The following RETREG1 variants were observed in gnomAD, a reference collection of about 807,000 sequenced individuals.
RETREG1 encodes the protein family with sequence similarity 134 member B.
Under a neutral mutation model 54.8 loss-of-function variants are expected in RETREG1, and 44 were observed. The observed-to-expected ratio is 0.80, with a 90% CI of 0.63 to 1.03. The LOEUF (loss-of-function observed/expected upper bound fraction) is 1.03, where lower values mean the gene tolerates loss of function less well. Ranked by LOEUF, RETREG1 falls within the 50% of genes least tolerant of loss-of-function variation. The pLI, the probability that RETREG1 is intolerant of heterozygous loss-of-function variation, is 0.00. For missense variants in RETREG1, 554 were observed against 605.1 expected (o/e 0.92, Z 0.89); for synonymous variants, 217 against 238.5 (o/e 0.91, Z 0.83).
At chr5:16,546,101 C>G (rs1446134122) in intron 3 of RETREG1, among the ~76,000 whole-genome samples, 1 of 152,102 alleles carries the variant, frequency 6.6e-6, no homozygotes, top group African/African-American at 2.4e-5. Context: ...AAGAAAGAAA[C>G]AAACATGAAA....
chr5:16,492,229 T>TCTCTCTCTCACACACACA (rs1406702350), intron 3 of RETREG1, among the ~76,000 whole-genome samples: 11 of 110,570 alleles, frequency 9.9e-5, no homozygotes, highest in African/African-American at 3.1e-4. Flanking sequence ...TCTCTCTCTC[T>TCTCTCTCTCACACACACA]CACACACACA....
intron 1 of RETREG1, among the ~76,000 whole-genome samples, chr5:16,581,052 G>T (rs1742463871): frequency 6.6e-6 from 1 of 152,180 alleles, no homozygotes. Flanking sequence ...TCATGTTCAG[G>T]CCTTCTCAAG....
chr5:16,517,678 G>A (rs1579637162), intron 3 of RETREG1, among the ~76,000 whole-genome samples: 4 of 152,122 alleles, frequency 2.6e-5, no homozygotes, highest in Admixed American at 2.6e-4. Context: ...CTGAGGTGAG[G>A]GGCAGCCACA....
intron 3 of RETREG1, among the ~76,000 whole-genome samples, chr5:16,525,787 T>G (rs921424034): frequency 2.0e-5 from 3 of 150,908 alleles, no homozygotes; most frequent in African/African-American, 4.9e-5. Flanking sequence ...GAGAGATTGA[T>G]TTTAAGGAAA....
In RETREG1 at chr5:16,545,575, T is replaced by TAGC. The variant is rs540633034; in HGVS notation, c.458+20185_458+20187dup. On this transcript the variant is annotated intron_variant, in intron 3 of 8. Transcript: ENST00000306320. ...AAGAGAGGACAGTTAATTCACAGTT[T>TAGC]AGCAGCAGCAGCAGCAGCAGCATCC... Among the ~76,000 whole-genome samples, 208 of 152,138 alleles carry TAGC rather than the reference T, an allele frequency of 1.4e-3. 1 individual carries two copies. The highest frequency in any genetic ancestry group is 4.7e-3 in the African/African-American group (197 of 41,516).
intron 3 of RETREG1, among the ~76,000 whole-genome samples, chr5:16,506,350 GTAGA>G (rs1739953860): frequency 6.6e-6 from 1 of 152,222 alleles, no homozygotes; most frequent in Non-Finnish European, 1.5e-5. Flanking sequence ...TACTTTGTAA[GTAGA>G]TAAACAACTT....
chr5:16,535,617 C>T (rs142490160), intron 3 of RETREG1, among the ~76,000 whole-genome samples: 2,475 of 148,400 alleles, frequency 0.017, 72 homozygotes, highest in African/African-American at 0.059. Flanking sequence ...GTACACGCTG[C>T]CTTCACGAAG....
rs1359506948 is a variant in RETREG1, at chr5:16,483,398, A to C, written c.533T>G (p.Phe178Cys). 6.2e-7 allele frequency: 1 copy of C among 1,613,462 alleles called. No homozygotes were observed. Among genetic ancestry groups the C allele is most frequent in the South Asian group, 1.1e-5 (1 of 91,062 alleles). The change falls in exon 4 of 9, where the codon TTC (phenylalanine) becomes TGC (cysteine). Residue 178 changes from phenylalanine to cysteine, a missense_variant. Phe to Cys is a radical substitution (Grantham distance 205). Around this residue, in one of 4 missense-constraint regions of RETREG1, gnomAD observed 347 missense variants for 412.3 expected, o/e 0.84. Transcript: ENST00000306320. ...AGACATTTCTTGAAGAAATATGCTGAAATTCATCCATGATTCTGCAATACA... is the reference window on the plus strand; with the variant it reads ...AGACATTTCTTGAAGAAATATGCTGCAATTCATCCATGATTCTGCAATACA... ...SHCIAESWMN[F>C]SIFLQEMSLF...
chr5:16,614,347 G>GA lies in RETREG1; in HGVS notation c.320+2304dup, dbSNP rs566344145. 1.1e-3 allele frequency among the ~76,000 whole-genome samples: 173 copies of GA among 152,268 alleles called. 1 individual carries two copies. The South Asian group carries it at 0.033, about 29-fold the overall frequency. On this transcript the variant is annotated intron_variant, in intron 1 of 8. Coordinates refer to ENST00000306320, the MANE Select transcript of RETREG1 (RefSeq NM_001034850.3). ...TAAGGAAAAGAACACTGGCCTACTT[G>GA]AAAAAATAGACAAAGGTTATTTATA...
At chr5:16,579,080 C>A (rs1362577571) in intron 1 of RETREG1, among the ~76,000 whole-genome samples, 1 of 152,140 alleles carries the variant, frequency 6.6e-6, no homozygotes, top group East Asian at 1.9e-4. Flanking sequence ...AGACTAGAGC[C>A]TGAATTAGAG....
chr5:16,545,945 C>T (rs1007101682), intron 3 of RETREG1, among the ~76,000 whole-genome samples: 2 of 152,174 alleles, frequency 1.3e-5, no homozygotes, highest in African/African-American at 4.8e-5. Flanking sequence ...AGAAGGCATG[C>T]TGGATGGGAG....
chr5:16,549,099 T>C (rs189322200), intron 3 of RETREG1, among the ~76,000 whole-genome samples: 89 of 152,312 alleles, frequency 5.8e-4, no homozygotes, highest in African/African-American at 1.7e-3. Context: ...TTTTTTCTAT[T>C]CCAGAAATCA....
At chr5:16,567,514 C>A (rs920984023) in intron 2 of RETREG1, among the ~76,000 whole-genome samples, 4 of 152,126 alleles carry the variant, frequency 2.6e-5, no homozygotes, top group Admixed American at 2.6e-4. Context: ...GGTGCTGAGG[C>A]CAGGCATCAA....
intron 3 of RETREG1, among the ~76,000 whole-genome samples, chr5:16,534,443 G>A (rs76011103): frequency 2.0e-5 from 3 of 152,318 alleles, no homozygotes; most frequent in African/African-American, 7.2e-5. Flanking sequence ...TGCTCCCAAG[G>A]TTATCATCCT....
intron 1 of RETREG1, among the ~76,000 whole-genome samples, chr5:16,581,182 G>A (rs371786898): frequency 6.6e-6 from 1 of 152,176 alleles, no homozygotes; most frequent in East Asian, 1.9e-4. Flanking sequence ...CAAGAAGTGG[G>A]TGGTCAAGAA....
chr5:16,545,975 G>A (rs892453738), intron 3 of RETREG1, among the ~76,000 whole-genome samples: 19 of 152,206 alleles, frequency 1.2e-4, no homozygotes, highest in African/African-American at 3.9e-4. Flanking sequence ...GGTTACAAGA[G>A]GCAGCATGCC....
At chr5:16,505,486 G>A (rs1478153347) in intron 3 of RETREG1, among the ~76,000 whole-genome samples, 1 of 152,172 alleles carries the variant, frequency 6.6e-6, no homozygotes, top group Non-Finnish European at 1.5e-5. Flanking sequence ...CTAGCTCCTG[G>A]CACCGCAGCT....
At position 16,474,864 on chromosome 5, in the gene RETREG1, T is replaced by C. The variant is rs1160907592; in HGVS notation, c.1371A>G (p.Leu457=). 3 of 1,613,936 alleles carry C rather than the reference T, an allele frequency of 1.9e-6. No homozygotes were observed. In the East Asian group the frequency reaches 6.7e-5, roughly 36 times the overall value. Residue 457 remains leucine, a synonymous_variant, in exon 9 of 9, where the codon CTA becomes CTG. Coordinates refer to ENST00000306320, the MANE Select transcript of RETREG1 (RefSeq NM_001034850.3). ...TTTGATCCAGCTCTGACTGGTCAAG[T>C]AGTTCAAAGTCATCACCTTCTTCAG... The part of the protein sequence containing the change: ...TDTEEGDDFE[L]LDQSELDQIE...
intron 5 of RETREG1, among the ~76,000 whole-genome samples, 161 bp from the exon 6 acceptor site, chr5:16,479,148 T>C (rs572171888): frequency 4.6e-5 from 7 of 152,040 alleles, no homozygotes; most frequent in Non-Finnish European, 8.8e-5. Flanking sequence ...TCTTTTTCTG[T>C]AAGGTAAACA....
Sources: gnomAD v4.1 joint callset for allele counts (sites outside exome capture counted in the v4.1 genomes callset) on GRCh38, gnomAD v4.1.1 for gene constraint, gnomAD v4.1.1 regional missense constraint, MANE v1.5 for transcripts, NCBI Gene and HGNC (gene_info 2026-07-23, HGNC 2026-07-21) for gene names.